Variants in WIPF3 observed in about 807,000 individuals in gnomAD.
WIPF3 encodes the protein WAS/WASL interacting protein family member 3, also known as WAS/WASL-interacting protein family member 3.
WIPF3 carries 33 observed loss-of-function variants against 38.9 expected under a neutral mutation model. The ratio of observed to expected loss-of-function variants is 0.85; its 90% CI spans 0.64 to 1.14. The LOEUF is 1.14. Ranked by LOEUF, WIPF3 falls within the 50% of genes most tolerant of loss-of-function variation. The pLI, the probability that WIPF3 is intolerant of heterozygous loss-of-function variation, is 0.00. For synonymous variants in WIPF3, 324 were observed against 269.3 expected, an observed-to-expected ratio of 1.20 and a Z score of -1.99; for missense variants, 711 against 652.5, an observed-to-expected ratio of 1.09 and a Z score of -0.98.
chr7:29,901,700 TG>T (rs1786278921), intron 7 of WIPF3, among the ~76,000 whole-genome samples: 2 of 151,102 alleles, frequency 1.3e-5, no homozygotes, highest in Admixed American at 1.3e-4. Flanking sequence ...TAGCCAGGTG[TG>T]GTGGTGTGCA....
At chr7:29,812,475 G>A (rs560638720) in intron 1 of WIPF3, among the ~76,000 whole-genome samples, 1 of 152,326 alleles carries the variant, frequency 6.6e-6, no homozygotes, top group Non-Finnish European at 1.5e-5. Flanking sequence ...TATGGCTGCA[G>A]TATCTCTAGG....
In WIPF3 at chr7:29,884,351, C is replaced by G. The variant is rs1225992461; in HGVS notation, c.857C>G (p.Ala286Gly). 6.8e-7 allele frequency: 1 copy of G among 1,472,750 alleles called. No homozygotes were observed. The highest frequency in any genetic ancestry group is 2.8e-5 in the East Asian group (1 of 35,486). The allele number at this position is 1,472,750 out of a possible 1,614,324, so 91.2% of individuals were successfully genotyped here. A position where few individuals can be genotyped will look rare whatever the true frequency, so the allele number is the denominator to read the frequency against. ...GAGCCCGCCAGCCCTGCGCAAGATGCGCAGGAGCCTCCCGCCCCGCCGCCC... is the reference window on the plus strand; with the variant it reads ...GAGCCCGCCAGCCCTGCGCAAGATGGGCAGGAGCCTCCCGCCCCGCCGCCC... ...KAEPASPAQD[A>G]QEPPAPPPPL... The change falls in exon 5 of 9, where the codon GCG becomes GGG. Residue 286 changes from alanine to glycine, a missense_variant. Physicochemically the swap from Ala to Gly is moderately conservative, Grantham distance 60. Coordinates refer to ENST00000242140, the MANE Select transcript of WIPF3 (RefSeq NM_001080529.3).
Position 29,884,331 on chromosome 7 carries a change from C to A in WIPF3, c.837C>A (p.Pro279=), listed in dbSNP as rs548308628. 495 of 1,533,592 alleles carry A rather than the reference C, an allele frequency of 3.2e-4. 3 individuals carry two copies. In the East Asian group the frequency reaches 7.7e-3, roughly 24 times the overall value. The allele number at this position is 1,533,592 out of a possible 1,614,324, so 95.0% of individuals were successfully genotyped here. The change falls in exon 5 of 9, where the codon CCC becomes CCA. Residue 279 remains proline, a synonymous_variant. Coordinates refer to ENST00000242140, the MANE Select transcript of WIPF3 (RefSeq NM_001080529.3). ...PCGYPGLKAE[P]ASPAQDAQEP... is the part of the protein sequence containing the mutation. ...GGTATCCGGGGCTCAAAGCGGAGCC[C>A]GCCAGCCCTGCGCAAGATGCGCAGG... is the stretch of plus-strand genomic sequence containing the variant.
chr7:29,909,276 G>A (rs1786460438), intron 8 of WIPF3, among the ~76,000 whole-genome samples: 1 of 151,852 alleles, frequency 6.6e-6, no homozygotes, highest in African/African-American at 2.4e-5. Context: ...AAGCTAGCAA[G>A]AAGGAAGGAA....
chr7:29,822,069 A>T (rs149981529), intron 1 of WIPF3, among the ~76,000 whole-genome samples: 1 of 143,698 alleles, frequency 7.0e-6, no homozygotes, highest in Non-Finnish European at 1.5e-5. Context: ...TTTCTAATAA[A>T]TGTTCTTTAC....
intron 2 of WIPF3, among the ~76,000 whole-genome samples, chr7:29,863,837 G>A (rs1583608407): frequency 6.6e-6 from 1 of 152,226 alleles, no homozygotes; most frequent in East Asian, 1.9e-4. Context: ...ATATTTTAAG[G>A]TATTTTTAAA....
chr7:29,849,397 G>A (rs367889765), intron 2 of WIPF3, among the ~76,000 whole-genome samples: 90 of 152,272 alleles, frequency 5.9e-4, no homozygotes, highest in South Asian at 3.1e-3. Context: ...TGAAACTGTT[G>A]CATTTACTGT....
intron 1 of WIPF3, among the ~76,000 whole-genome samples, chr7:29,822,272 C>A (rs959299079): frequency 6.6e-6 from 1 of 151,914 alleles, no homozygotes; most frequent in Non-Finnish European, 1.5e-5. Context: ...AGCAAGAATT[C>A]TTTTTGGCTT....
chr7:29,895,694 G>A (rs368887900), intron 7 of WIPF3, among the ~76,000 whole-genome samples: 28 of 152,324 alleles, frequency 1.8e-4, no homozygotes, highest in Middle Eastern at 3.4e-3. Context: ...GGTGGAAGGC[G>A]AATGAGGAGC....
chr7:29,897,328 C>G (rs1786167499), intron 7 of WIPF3, among the ~76,000 whole-genome samples: 1 of 152,236 alleles, frequency 6.6e-6, no homozygotes, highest in East Asian at 1.9e-4. Flanking sequence ...CTTTCAATAC[C>G]CAAAGTAGAA....
chr7:29,834,299 T>C (rs956907481), intron 1 of WIPF3, among the ~76,000 whole-genome samples: 9 of 152,194 alleles, frequency 5.9e-5, no homozygotes, highest in Non-Finnish European at 1.2e-4. Flanking sequence ...TTGAAAATGA[T>C]AAAACTAAAA....
intron 2 of WIPF3, among the ~76,000 whole-genome samples, chr7:29,846,066 AT>A (rs1784994876): frequency 6.6e-6 from 1 of 152,258 alleles, no homozygotes; most frequent in Non-Finnish European, 1.5e-5. Flanking sequence ...ATGCATTTAA[AT>A]TTTAGTAAGA....
chr7:29,889,893 A>G (rs75391729), intron 7 of WIPF3, among the ~76,000 whole-genome samples: 3,548 of 152,326 alleles, frequency 0.023, 69 homozygotes, highest in East Asian at 0.058. Context: ...GGTTACATCT[A>G]AACCACATAA....
At chr7:29,904,199 G>A in intron 7 of WIPF3, 87 bp from the exon 8 acceptor site, 2 of 1,297,808 alleles carry the variant, frequency 1.5e-6, no homozygotes, top group Middle Eastern at 4.3e-4. Flanking sequence ...ATTGTTTTAA[G>A]TGCTGATTTA....
intron 2 of WIPF3, among the ~76,000 whole-genome samples, chr7:29,859,688 G>A (rs949031921): frequency 6.6e-6 from 1 of 152,132 alleles, no homozygotes; most frequent in African/African-American, 2.4e-5. Flanking sequence ...GGCGTCAAGC[G>A]GGAGGTCTGA....
intron 2 of WIPF3, among the ~76,000 whole-genome samples, chr7:29,863,058 T>A (rs1232114354): frequency 6.6e-6 from 1 of 152,238 alleles, no homozygotes; most frequent in African/African-American, 2.4e-5. Context: ...TTTTGTTTGT[T>A]TTTATTTATT....
In WIPF3 at chr7:29,888,236, C is replaced by A; in HGVS notation, c.1249+19C>A. 1 of 1,593,740 alleles carries A rather than the reference C, an allele frequency of 6.3e-7. No homozygotes were observed. The highest frequency in any genetic ancestry group is 8.5e-7 in the Non-Finnish European group (1 of 1,169,798). On this transcript the variant is annotated intron_variant, in intron 6 of 8. Coordinates refer to ENST00000242140, the MANE Select transcript of WIPF3 (RefSeq NM_001080529.3). ...ATCATTGGTAAGTGGGTTGCACCCT[C>A]TGCCGGTTTGGCTGCCAGTAGGAAA...
At chr7:29,827,225 A>G (rs184912024) in intron 1 of WIPF3, among the ~76,000 whole-genome samples, 2 of 152,172 alleles carry the variant, frequency 1.3e-5, no homozygotes, top group Non-Finnish European at 2.9e-5. Flanking sequence ...ATATTTACAG[A>G]TTTTTTATAT....
At chr7:29,834,887 A>C in intron 2 of WIPF3, 73 bp downstream of exon 2, 1 of 1,494,050 alleles carries the variant, frequency 6.7e-7, no homozygotes. Context: ...GAAGGTTTTA[A>C]ATGTTCAGAA....
Sources: allele counts gnomAD v4.1 joint callset (sites outside exome capture counted in the v4.1 genomes callset), GRCh38; gene constraint gnomAD v4.1.1; transcripts MANE v1.5; gene names NCBI Gene and HGNC (gene_info 2026-07-23, HGNC 2026-07-21).